FCN2: variants seen among roughly 807,000 people sequenced by gnomAD.
FCN2 encodes the protein ficolin-2.
In FCN2, 31 loss-of-function variants were observed where a neutral mutation model predicts 32.5. The observed-to-expected ratio is 0.96, with a 90% CI of 0.72 to 1.29. The LOEUF is 1.29. FCN2 is among the 50% of genes most tolerant of loss of function. FCN2 has a pLI of 0.00. For missense variants in FCN2, 412 were observed against 406.5 expected (o/e 1.01, Z -0.12); for synonymous variants, 181 against 164.5 (o/e 1.10, Z -0.77).
rs1172549335 is a variant in FCN2, at chr9:134,886,554, G to A, written c.684G>A (p.Glu228=). 1.2e-6 allele frequency: 2 copies of A among 1,614,136 alleles called. No individual in the cohort carries two copies. The highest frequency in any genetic ancestry group is 1.7e-4 in the Middle Eastern group (1 of 6,060). The change falls in exon 7 of 8, where the codon GAG becomes GAA. Residue 228 remains glutamate, a synonymous_variant. Coordinates refer to ENST00000291744, the MANE Select transcript of FCN2 (RefSeq NM_004108.3). ...ATCTGGTCCTGGGGGCCTTCGTGGA[G>A]GGCAGTGCGGGTGAGTGTCTGCTTG... ...KYNLVLGAFV[E]GSAGDSLTFH... is the part of the protein sequence containing the mutation.
At chr9:134,877,268 T>C (rs1458039494), upstream of FCN2, among the ~76,000 whole-genome samples, 1 of 152,340 alleles carries the variant, frequency 6.6e-6, no homozygotes, top group African/African-American at 2.4e-5. Flanking sequence ...TTAGTGAACA[T>C]TTCACACTGT....
chr9:134,871,101 A>C, the FCN2 span, among the ~76,000 whole-genome samples: 2 of 152,078 alleles, frequency 1.3e-5, 1 homozygote, highest in African/African-American at 4.8e-5. Context: ...TGGTTGATTG[A>C]GCGCTACGAA....
intron 6 of FCN2, among the ~76,000 whole-genome samples, chr9:134,886,176 C>G (rs1028272140): frequency 2.0e-5 from 3 of 152,140 alleles, no homozygotes; most frequent in Admixed American, 1.3e-4. Context: ...GACACAGTGG[C>G]CCCATAGTGG....
At chr9:134,887,098 G>A (rs907085061) in intron 7 of FCN2, 70 bp from the exon 8 acceptor site, 7 of 1,578,286 alleles carry the variant, frequency 4.4e-6, no homozygotes, top group Non-Finnish European at 6.1e-6. Context: ...CCAGGCCTCA[G>A]GTATAAAGAC....
In FCN2 at chr9:134,885,366, C is replaced by T. The variant is rs532739715; in HGVS notation, c.429C>T (p.Thr143=). ...CDMDTDGGGW[T]VFQRRVDGSV... ...TGGACACGGACGGAGGGGGCTGGACCGTGAGTGTGGGGCTGGGCAGAGGCG... is the reference window on the plus strand; with the variant it reads ...TGGACACGGACGGAGGGGGCTGGACTGTGAGTGTGGGGCTGGGCAGAGGCG... Residue 143 remains threonine, a splice_region_variant and synonymous_variant, in exon 5 of 8, where the codon ACC becomes ACT. Transcript: ENST00000291744. The T allele has an allele frequency of 3.7e-5, 60 of 1,613,350 alleles. No individual in the cohort carries two copies. Among genetic ancestry groups the T allele is most frequent in the Admixed American group, 1.7e-4 (10 of 59,902 alleles).
intron 1 of FCN2, among the ~76,000 whole-genome samples, chr9:134,881,673 G>A (rs2132997727): frequency 6.6e-6 from 1 of 152,306 alleles, no homozygotes; most frequent in Admixed American, 6.5e-5. Flanking sequence ...GAGCTCTGCG[G>A]TGTGCTGTGA....
intron 1 of FCN2, 32 bp downstream of exon 1, chr9:134,880,953 C>T (rs1425598401): frequency 6.7e-7 from 1 of 1,500,724 alleles, no homozygotes; most frequent in African/African-American, 1.4e-5. Flanking sequence ...CTCCTGGAAA[C>T]TTCTCGTCCC....
chr9:134,881,205 C>T (rs998953865), intron 1 of FCN2, among the ~76,000 whole-genome samples: 6 of 152,180 alleles, frequency 3.9e-5, no homozygotes, highest in African/African-American at 9.7e-5. Context: ...GCGTAAAAAG[C>T]GTAGTCATGG....
rs749316510 is a variant in FCN2, at chr9:134,885,836, C to T, written c.498C>T (p.Phe166=). 6.5e-5 allele frequency: 105 copies of T among 1,613,724 alleles called. No homozygotes were observed. In the Middle Eastern group the frequency reaches 8.2e-4, roughly 13 times the overall value. Reference sequence around the variant, plus strand: ...ACTGGGCCACGTACAAGCAGGGCTTCGGCAGTCGGCTGGGGGAGTTCTGGC... The same window carrying T: ...ACTGGGCCACGTACAAGCAGGGCTTTGGCAGTCGGCTGGGGGAGTTCTGGC... ...YRDWATYKQG[F]GSRLGEFWLG... The change falls in exon 6 of 8, where the codon TTC becomes TTT. Residue 166 remains phenylalanine (F), a synonymous_variant. Transcript: ENST00000291744.
At chr9:134,886,401 G>A (rs373552794) in intron 6 of FCN2, 29 bp from the exon 7 acceptor site, 29 of 1,613,750 alleles carry the variant, frequency 1.8e-5, no homozygotes, top group East Asian at 2.2e-5. Context: ...GAGCCCTTCC[G>A]CTGAGACCCT....
At chr9:134,885,479 A>C (rs931240935) in intron 5 of FCN2, 113 bp downstream of exon 5, 5 of 1,503,080 alleles carry the variant, frequency 3.3e-6, no homozygotes, top group Non-Finnish European at 3.6e-6. Context: ...GGGGACAGTC[A>C]GAGATGATGG....
chr9:134,870,085 G>A, the FCN2 span, among the ~76,000 whole-genome samples: 1 of 152,206 alleles, frequency 6.6e-6, no homozygotes, highest in Non-Finnish European at 1.5e-5. This position sits in a 1 kb window ranked among gnomAD's most constrained non-coding sequence, Gnocchi z 4.3. Context: ...GGCTAGGCAG[G>A]GTTCCTCTGC....
At position 134,887,165 on chromosome 9, in the gene FCN2, C is replaced by T. The variant is rs750421061; in HGVS notation, c.695-3C>T. 1 of 1,614,078 alleles carries T rather than the reference C, an allele frequency of 6.2e-7. No homozygotes were observed. Among genetic ancestry groups the T allele is most frequent in the African/African-American group, 1.3e-5 (1 of 75,038 alleles). ...AACGATGCTCACATTTCCTCCTGCA[C>T]AGGAGATTCCCTGACGTTCCACAAC... On this transcript the variant is annotated splice_region_variant and splice_polypyrimidine_tract_variant and intron_variant, in intron 7 of 7. Coordinates refer to ENST00000291744, the MANE Select transcript of FCN2 (RefSeq NM_004108.3).
At chr9:134,869,385 T>A in the FCN2 span, among the ~76,000 whole-genome samples, 1 of 152,230 alleles carries the variant, frequency 6.6e-6, no homozygotes, top group Non-Finnish European at 1.5e-5. Flanking sequence ...AACCGTGGGT[T>A]GCATAAGGCC....
the FCN2 span, among the ~76,000 whole-genome samples, chr9:134,864,747 C>A: frequency 6.6e-6 from 1 of 152,218 alleles, no homozygotes; most frequent in African/African-American, 2.4e-5. Flanking sequence ...CCACTCACAG[C>A]ACGCCAGGCC....
At chr9:134,869,207 C>T in the FCN2 span, among the ~76,000 whole-genome samples, 1 of 152,220 alleles carries the variant, frequency 6.6e-6, no homozygotes, top group Non-Finnish European at 1.5e-5. Context: ...ATGAGAGCCT[C>T]ACACGTTGTA....
At chr9:134,866,085 T>C in the FCN2 span, among the ~76,000 whole-genome samples, 1 of 151,074 alleles carries the variant, frequency 6.6e-6, no homozygotes, top group Admixed American at 6.6e-5. Context: ...ACAGATTCAA[T>C]GCCATCCCCA....
the FCN2 span, among the ~76,000 whole-genome samples, chr9:134,865,157 C>T: frequency 1.3e-5 from 2 of 152,232 alleles, no homozygotes; most frequent in Non-Finnish European, 2.9e-5. Context: ...GGCACTGGGA[C>T]AGGTGGTCCC....
At chr9:134,868,807 C>A in the FCN2 span, among the ~76,000 whole-genome samples, 1 of 152,256 alleles carries the variant, frequency 6.6e-6, no homozygotes, top group Non-Finnish European at 1.5e-5. The surrounding 1 kb of genome is among the most constrained non-coding windows in gnomAD (Gnocchi z 4.3). Context: ...CTCATCCGTC[C>A]TTGCTTCCCT....
Sources: gnomAD v4.1 joint callset for allele counts (sites outside exome capture counted in the v4.1 genomes callset) on GRCh38, gnomAD v4.1.1 for gene constraint, Gnocchi (gnomAD v3.1) non-coding constraint, MANE v1.5 for transcripts, NCBI Gene and HGNC (gene_info 2026-07-23, HGNC 2026-07-21) for gene names.